The following TEX2 variants were observed in gnomAD, a reference collection of about 807,000 sequenced individuals.
TEX2 encodes testis-expressed protein 2.
A neutral mutation model predicts 106.9 loss-of-function variants in TEX2; 53 were observed. The ratio of observed to expected loss-of-function variants is 0.50; its 90% CI spans 0.40 to 0.62. The LOEUF is 0.62. TEX2 is among the 20% of genes least tolerant of loss of function. TEX2 has a pLI of 0.00. For missense variants in TEX2, 1,207 were observed against 1,379.0 expected (o/e 0.88, Z 1.98); for synonymous variants, 523 against 534.8 (o/e 0.98, Z 0.30).
At chr17:64,161,047 G>T in intron 7 of TEX2, 114 bp from the exon 8 acceptor site, 1 of 1,130,704 alleles carries the variant, frequency 8.8e-7, no homozygotes, top group Non-Finnish European at 1.3e-6. Flanking sequence ...TCCATGTATC[G>T]TCTACTACTC....
intron 2 of TEX2, among the ~76,000 whole-genome samples, chr17:64,211,933 G>A (rs932234019): frequency 6.6e-6 from 1 of 152,214 alleles, no homozygotes; most frequent in Admixed American, 6.5e-5. Flanking sequence ...GATCACTTGA[G>A]CCCAGAAGTT....
At chr17:64,241,094 G>T (rs1244386670) in intron 1 of TEX2, among the ~76,000 whole-genome samples, 1 of 152,224 alleles carries the variant, frequency 6.6e-6, no homozygotes, top group Admixed American at 6.5e-5. Context: ...GGGCCATGCT[G>T]AAGCCAGCTG....
intron 6 of TEX2, among the ~76,000 whole-genome samples, chr17:64,173,213 C>A (rs1032677983): frequency 2.0e-5 from 3 of 152,072 alleles, no homozygotes; most frequent in Non-Finnish European, 2.9e-5. Flanking sequence ...TATATTTTAG[C>A]TTTATAATAC....
chr17:64,208,803 T>A (rs1171953136), intron 2 of TEX2, among the ~76,000 whole-genome samples: 1 of 151,870 alleles, frequency 6.6e-6, no homozygotes, highest in Non-Finnish European at 1.5e-5. Context: ...TATTTTAAAT[T>A]TTTTGTAGAG....
chr17:64,222,335 A>G (rs2033380155), intron 1 of TEX2, among the ~76,000 whole-genome samples: 1 of 152,050 alleles, frequency 6.6e-6, no homozygotes, highest in Non-Finnish European at 1.5e-5. Flanking sequence ...CCTGGCCAAC[A>G]TGGTGAAACC....
intron 5 of TEX2, among the ~76,000 whole-genome samples, chr17:64,179,415 A>G (rs911022684): frequency 1.3e-5 from 2 of 152,238 alleles, no homozygotes; most frequent in Non-Finnish European, 2.9e-5. Context: ...TGGCCACCCT[A>G]GCCAGCAGCA....
intron 1 of TEX2, 90 bp from the exon 2 acceptor site, chr17:64,214,332 T>A: frequency 9.2e-7 from 1 of 1,090,040 alleles, no homozygotes; most frequent in Non-Finnish European, 1.3e-6. Context: ...GATGAAGCTG[T>A]TTAAGTGGTG....
chr17:64,233,237 G>A (rs782226831), intron 1 of TEX2, among the ~76,000 whole-genome samples: 10 of 152,012 alleles, frequency 6.6e-5, no homozygotes, highest in Non-Finnish European at 1.5e-4. Flanking sequence ...GAGATTCACT[G>A]GTGTAAAACA....
intron 1 of TEX2, among the ~76,000 whole-genome samples, chr17:64,246,393 G>A (rs1398478004): frequency 6.6e-6 from 1 of 152,096 alleles, no homozygotes; most frequent in Non-Finnish European, 1.5e-5. Context: ...TTACAGGTGT[G>A]CGCCACCACA....
intron 7 of TEX2, among the ~76,000 whole-genome samples, chr17:64,163,668 T>A (rs1352913981): frequency 6.6e-6 from 1 of 152,164 alleles, no homozygotes; most frequent in Non-Finnish European, 1.5e-5. Flanking sequence ...ACCGGTTACG[T>A]GACAGGTGAG....
chr17:64,191,425 G>C (rs2032291849), intron 4 of TEX2, among the ~76,000 whole-genome samples: 1 of 152,176 alleles, frequency 6.6e-6, no homozygotes, highest in African/African-American at 2.4e-5. Flanking sequence ...ACCTGATTCT[G>C]AGCTTCAGTG....
chr17:64,261,666 G>C (rs2143546084), intron 1 of TEX2, among the ~76,000 whole-genome samples: 1 of 152,198 alleles, frequency 6.6e-6, no homozygotes, highest in African/African-American at 2.4e-5. Flanking sequence ...AGCAAGTTCA[G>C]TTCACCCAGA....
chr17:64,231,355 A>G (rs1249707699), intron 1 of TEX2, among the ~76,000 whole-genome samples: 1 of 152,132 alleles, frequency 6.6e-6, no homozygotes, highest in Admixed American at 6.5e-5. Flanking sequence ...CAAGTACCAT[A>G]TATGTGCTTC....
chr17:64,260,232 C>A (rs1237786720), intron 1 of TEX2, among the ~76,000 whole-genome samples: 1 of 152,202 alleles, frequency 6.6e-6, no homozygotes, highest in Non-Finnish European at 1.5e-5. Context: ...CATCTCTGAA[C>A]CTGACCACTC....
intron 3 of TEX2, among the ~76,000 whole-genome samples, chr17:64,194,530 AT>A (rs11352763): frequency 0.55 from 83,549 of 152,048 alleles, 24,466 homozygotes; most frequent in East Asian, 0.83. Flanking sequence ...GTACCGCAGA[AT>A]CACCACACAT....
At chr17:64,261,415 A>G (rs569387649) in intron 1 of TEX2, among the ~76,000 whole-genome samples, 35 of 152,316 alleles carry the variant, frequency 2.3e-4, no homozygotes, top group African/African-American at 8.2e-4. Context: ...CATAACCTCT[A>G]ATAATGAACA....
At chr17:64,156,530 G>A (rs569714801) in intron 8 of TEX2, among the ~76,000 whole-genome samples, 1 of 152,340 alleles carries the variant, frequency 6.6e-6, no homozygotes, top group South Asian at 2.1e-4. Flanking sequence ...ATATCAGAGT[G>A]TGCTGTGGTT....
At position 64,148,975 on chromosome 17, in the gene TEX2, C is replaced by T. The variant is rs1236192605; in HGVS notation, c.3378G>A (p.Gln1126=). 23 of 1,614,036 alleles carry T rather than the reference C, an allele frequency of 1.4e-5. No homozygotes were observed. The highest frequency in any genetic ancestry group is 1.9e-5 in the Non-Finnish European group (23 of 1,180,018). The stretch of plus-strand genomic sequence containing the variant: ...GAACATCTGACATCACCCATCATGG[C>T]TGATCAGCAGCCTCCACAGGTGGGT... ...LKDPPVEAAD[Q]P The change falls in exon 12 of 12, where the codon CAG becomes CAA. Residue 1126 remains glutamine (Q), a synonymous_variant. Transcript: ENST00000584379.
chr17:64,259,893 T>C (rs1555638320), intron 1 of TEX2, among the ~76,000 whole-genome samples: 2 of 152,222 alleles, frequency 1.3e-5, no homozygotes, highest in Non-Finnish European at 1.5e-5. Context: ...TAAGACCCCA[T>C]ACATTACAAG....
Sources: allele counts gnomAD v4.1 joint callset (sites outside exome capture counted in the v4.1 genomes callset), GRCh38; gene constraint gnomAD v4.1.1; transcripts MANE v1.5; gene names NCBI Gene and HGNC (gene_info 2026-07-23, HGNC 2026-07-21).